The following SH3BGRL variants were observed in gnomAD, a reference collection of about 807,000 sequenced individuals.
SH3BGRL encodes the protein adapter SH3BGRL.
SH3BGRL carries 7 observed loss-of-function variants against 9.8 expected under a neutral mutation model. The observed-to-expected ratio is 0.72, with a 90% CI of 0.41 to 1.35. The LOEUF (loss-of-function observed/expected upper bound fraction) is 1.35, where lower values mean the gene tolerates loss of function less well. SH3BGRL is among the 40% of genes most tolerant of loss of function. The probability of loss-of-function intolerance (pLI) is 0.01; values close to 1 mark genes in which losing one functional copy is unlikely to be tolerated. For missense variants in SH3BGRL, 73 were observed against 84.4 expected (o/e 0.86, Z 0.53); for synonymous variants, 36 against 29.1 (o/e 1.24, Z -0.76).
intron 1 of SH3BGRL, chrX:81,255,407 A>G (rs1394743832): frequency 8.9e-6 from 1 of 112,142 alleles, no homozygotes; most frequent in Non-Finnish European, 1.9e-5. Context: ...TTGTTTTGAA[A>G]GCTGATCCTG....
At chrX:81,234,981 C>T (rs2075643333) in intron 1 of SH3BGRL, among the ~76,000 whole-genome samples, 1 of 111,647 alleles carries the variant, frequency 9.0e-6, no homozygotes, top group Non-Finnish European at 1.9e-5. Context: ...GTTTTTAAAT[C>T]TCATGTAATG....
rs767134075 is a variant in SH3BGRL, at chrX:81,277,167, G to A, written c.229G>A (p.Gly77Arg). 4 of 1,200,536 alleles carry A rather than the reference G, an allele frequency of 3.3e-6. No homozygotes were observed. Among genetic ancestry groups the A allele is most frequent in the South Asian group, 1.8e-5 (1 of 55,084 alleles). The change falls in exon 2 of 4, where the codon GGG becomes AGG. Residue 77 changes from glycine to arginine, a missense_variant and splice_region_variant. By Grantham distance (125) the Gly-to-Arg change is moderately radical. Coordinates refer to ENST00000373212, the MANE Select transcript of SH3BGRL (RefSeq NM_003022.3). ...PQIFNESQYR[G>R]DYDAFFEARE... ...GATTTTCAATGAAAGCCAGTATCGC[G>A]GGGTAAGAAAACAATTTAAATTCTT...
rs1046908363 is a variant in SH3BGRL, at chrX:81,241,053, T to G, written c.46-35931T>G. Reference sequence around the variant, plus strand: ...CTGCTTCTGCAGGCTCAGAAGTGCCTTTTCCCTCTCTCTGGCCTCTTCCCG... The same window carrying G: ...CTGCTTCTGCAGGCTCAGAAGTGCCGTTTCCCTCTCTCTGGCCTCTTCCCG... On this transcript the variant is annotated intron_variant, in intron 1 of 3. Transcript: ENST00000373212. Among the ~76,000 whole-genome samples, 9 of 112,882 alleles carry G rather than the reference T, an allele frequency of 8.0e-5. No individual in the cohort carries two copies. In the Admixed American group the frequency reaches 8.4e-4, roughly 10 times the overall value.
chrX:81,246,618 G>A (rs2075689728), intron 1 of SH3BGRL, among the ~76,000 whole-genome samples: 1 of 110,991 alleles, frequency 9.0e-6, no homozygotes. Context: ...ATGACTGTAG[G>A]TGTGCAGCTT....
At chrX:81,279,973 G>T (rs1361156527) in intron 3 of SH3BGRL, among the ~76,000 whole-genome samples, 2 of 111,478 alleles carry the variant, frequency 1.8e-5, no homozygotes, top group African/African-American at 3.3e-5. Flanking sequence ...CCTGGAAACA[G>T]ACTCAGGGCT....
intron 1 of SH3BGRL, among the ~76,000 whole-genome samples, chrX:81,271,468 G>A (rs1394579186): frequency 8.9e-6 from 1 of 112,110 alleles, no homozygotes; most frequent in African/African-American, 3.2e-5. Flanking sequence ...CATCTGTCAC[G>A]AGAACTCTAG....
intron 1 of SH3BGRL, among the ~76,000 whole-genome samples, chrX:81,228,090 T>G (rs187797097): frequency 8.9e-6 from 1 of 112,224 alleles, no homozygotes. Flanking sequence ...GGAGCCATAG[T>G]ATTGTCAACT....
At chrX:81,273,612 T>C (rs1415791534) in intron 1 of SH3BGRL, among the ~76,000 whole-genome samples, 1 of 108,480 alleles carries the variant, frequency 9.2e-6, no homozygotes, top group African/African-American at 3.3e-5. Flanking sequence ...TAGAGGTTGA[T>C]CATTAAAAAA....
intron 3 of SH3BGRL, among the ~76,000 whole-genome samples, chrX:81,286,523 A>G (rs1449928295): frequency 8.8e-5 from 8 of 91,374 alleles, no homozygotes; most frequent in African/African-American, 7.4e-5. Context: ...AAAAAAAAAA[A>G]AGAGAGGGGA....
intron 1 of SH3BGRL, among the ~76,000 whole-genome samples, chrX:81,259,345 TATAAA>T (rs2075734387): frequency 8.9e-6 from 1 of 112,041 alleles, no homozygotes; most frequent in Non-Finnish European, 1.9e-5. Context: ...TCTTACAGAC[TATAAA>T]ATAATCATCA....
intron 1 of SH3BGRL, among the ~76,000 whole-genome samples, chrX:81,261,801 G>T (rs1312948663): frequency 9.0e-6 from 1 of 111,270 alleles, no homozygotes; most frequent in Admixed American, 9.6e-5. Context: ...TAGGTAAAAA[G>T]AATGCATGTA....
chrX:81,275,510 C>T (rs1391058050), intron 1 of SH3BGRL, among the ~76,000 whole-genome samples: 1 of 111,996 alleles, frequency 8.9e-6, no homozygotes, highest in African/African-American at 3.3e-5. Context: ...ACCTACTGTA[C>T]CTCAGAAATT....
intron 1 of SH3BGRL, among the ~76,000 whole-genome samples, chrX:81,272,165 C>G (rs1342645916): frequency 1.0e-5 from 1 of 100,304 alleles, no homozygotes; most frequent in Non-Finnish European, 2.0e-5. Context: ...CCACTGCACT[C>G]CAGCCTGGGT....
At chrX:81,276,804 G>A (rs2075799666) in intron 1 of SH3BGRL, among the ~76,000 whole-genome samples, 180 bp from the exon 2 acceptor site, 1 of 111,473 alleles carries the variant, frequency 9.0e-6, no homozygotes, top group African/African-American at 3.3e-5. Flanking sequence ...AGGACCAGTG[G>A]ACCAAAAGCT....
intron 1 of SH3BGRL, among the ~76,000 whole-genome samples, chrX:81,272,023 T>C (rs1215517380): frequency 9.2e-6 from 1 of 108,333 alleles, no homozygotes; most frequent in Non-Finnish European, 1.9e-5. Flanking sequence ...TGAAACCCTG[T>C]CTCTACTAAA....
At chrX:81,265,009 A>ATTT (rs772578478) in intron 1 of SH3BGRL, among the ~76,000 whole-genome samples, 3 of 91,956 alleles carry the variant, frequency 3.3e-5, no homozygotes, top group African/African-American at 1.2e-4. Context: ...GAATGACTGT[A>ATTT]TTTTTTTTTT....
At chrX:81,254,399 G>A (rs1050128416) in intron 1 of SH3BGRL, among the ~76,000 whole-genome samples, 1 of 111,630 alleles carries the variant, frequency 9.0e-6, no homozygotes, top group African/African-American at 3.3e-5. Context: ...ATGTTCATCT[G>A]GGGCACACCG....
intron 3 of SH3BGRL, among the ~76,000 whole-genome samples, chrX:81,283,977 A>T (rs2075826171): frequency 9.0e-6 from 1 of 111,235 alleles, no homozygotes; most frequent in Non-Finnish European, 1.9e-5. Flanking sequence ...AAATTTCCAG[A>T]TCCAAGATTA....
At chrX:81,230,231 G>C (rs1054070006) in intron 1 of SH3BGRL, among the ~76,000 whole-genome samples, 1 of 112,361 alleles carries the variant, frequency 8.9e-6, no homozygotes, top group African/African-American at 3.2e-5. Context: ...TTGACTTTGT[G>C]CTAGGCACTG....
Sources: allele counts gnomAD v4.1 joint callset (sites outside exome capture counted in the v4.1 genomes callset), GRCh38; gene constraint gnomAD v4.1.1; transcripts MANE v1.5; gene names NCBI Gene and HGNC (gene_info 2026-07-23, HGNC 2026-07-21).